The following TOB1 variants were observed in gnomAD, a reference collection of about 807,000 sequenced individuals.
TOB1 encodes transducer of ERBB2, 1, also known as protein Tob1.
Under a neutral mutation model 22.9 loss-of-function variants are expected in TOB1, and 2 were observed. The observed-to-expected ratio is 0.09, with a 90% CI of 0.04 to 0.28. The LOEUF (loss-of-function observed/expected upper bound fraction) is 0.28, where lower values mean the gene tolerates loss of function less well. Ranked by LOEUF, TOB1 falls within the 10% of genes least tolerant of loss-of-function variation. The probability of loss-of-function intolerance (pLI) is 1.00; values close to 1 mark genes in which losing one functional copy is unlikely to be tolerated. For missense variants in TOB1, 299 were observed against 420.5 expected (o/e 0.71, Z 2.53); for synonymous variants, 154 against 150.6 (o/e 1.02, Z -0.17).
In TOB1 at chr17:50,863,978, A is replaced by T; in HGVS notation, c.40T>A (p.Ser14Thr). 6.2e-7 allele frequency: 1 copy of T among 1,611,194 alleles called. No homozygotes were observed. The highest frequency in any genetic ancestry group is 1.7e-5 in the Admixed American group (1 of 59,480). Residue 14 changes from serine (S) to threonine (T), a missense_variant, in exon 2 of 2, where the codon TCG (serine) becomes ACG (threonine). Ser to Thr is a moderately conservative substitution (Grantham distance 58). Transcript: ENST00000499247. ...CTGGGAAGCTTATTGTACAAATACGAAATAATAAAATTTAGTGCTACTTGG... is the reference window on the plus strand; with the variant it reads ...CTGGGAAGCTTATTGTACAAATACGTAATAATAAAATTTAGTGCTACTTGG... ...EIQVALNFIISYLYNKLPRRR... is the reference protein window; with the variant it reads ...EIQVALNFIITYLYNKLPRRR...
At position 50,863,238 on chromosome 17, in the gene TOB1, T is replaced by C. The variant is rs1972241720; in HGVS notation, c.780A>G (p.Gln260=). The change falls in exon 2 of 2, where the codon CAA becomes CAG. Residue 260 remains glutamine, a synonymous_variant. Transcript: ENST00000499247. ...GAGAAAGAGCAGAGGTTTTCTGCTG[T>C]TGTTGCTGCTGTGGTGGTGGTGGTG... ...PPPPPPPQQQ[Q]QQKTSALSPN... is the part of the protein sequence containing the mutation. 6.2e-7 allele frequency: 1 copy of C among 1,614,108 alleles called. No homozygotes were observed. The highest frequency in any genetic ancestry group is 1.1e-5 in the South Asian group (1 of 91,074).
chr17:50,863,618 G>C lies in TOB1; in HGVS notation c.400C>G (p.Pro134Ala). ...LDKEIKNSFNPEAQVFMPISD... is the reference protein window; with the variant it reads ...LDKEIKNSFNAEAQVFMPISD... ...ATGGGCATAAAAACCTGGGCCTCTG[G>C]GTTAAAGCTGTTTTTGATCTCCTTA... is the stretch of plus-strand genomic sequence containing the variant. The change falls in exon 2 of 2, where the codon CCA becomes GCA. Residue 134 changes from proline (P) to alanine (A), a missense_variant. Physicochemically the swap from Pro to Ala is conservative, Grantham distance 27. Coordinates refer to ENST00000499247, the MANE Select transcript of TOB1 (RefSeq NM_005749.4). 3 of 1,614,026 alleles carry C rather than the reference G, an allele frequency of 1.9e-6. No individual in the cohort carries two copies. Among genetic ancestry groups the C allele is most frequent in the Non-Finnish European group, 2.5e-6 (3 of 1,180,002 alleles).
chr17:50,867,089 C>T (rs1046419281), upstream of TOB1: 1 of 152,400 alleles, frequency 6.6e-6, no homozygotes. Flanking sequence ...GCTCCCGCCC[C>T]GCCGGCAGTT....
chr17:50,863,634 G>C lies in TOB1; in HGVS notation c.384C>G (p.Ile128Met), dbSNP rs1220159413. 1 of 1,613,980 alleles carries C rather than the reference G, an allele frequency of 6.2e-7. No individual in the cohort carries two copies. The highest frequency in any genetic ancestry group is 8.5e-7 in the Non-Finnish European group (1 of 1,180,024). Residue 128 changes from isoleucine to methionine, a missense_variant, in exon 2 of 2, where the codon ATC (isoleucine) becomes ATG (methionine). Physicochemically the swap from Ile to Met is conservative, Grantham distance 10 (BLOSUM62 1). Coordinates refer to ENST00000499247, the MANE Select transcript of TOB1 (RefSeq NM_005749.4). The part of the protein sequence containing the change: ...NENGCELDKE[I>M]KNSFNPEAQV... ...GGGCCTCTGGGTTAAAGCTGTTTTT[G>C]ATCTCCTTATCCAACTCACATCCAT...
chr17:50,863,595 G>T lies in TOB1; in HGVS notation c.423C>A (p.Pro141=). 6.2e-7 allele frequency: 1 copy of T among 1,614,140 alleles called. No individual in the cohort carries two copies. The highest frequency in any genetic ancestry group is 8.5e-7 in the Non-Finnish European group (1 of 1,180,038). The change falls in exon 2 of 2, where the codon CCC becomes CCA. Residue 141 remains proline (P), a synonymous_variant. Coordinates refer to ENST00000499247, the MANE Select transcript of TOB1 (RefSeq NM_005749.4). ...ACACTGATGAGGCTGGGTCACTTATGGGCATAAAAACCTGGGCCTCTGGGT... is the reference window on the plus strand; with the variant it reads ...ACACTGATGAGGCTGGGTCACTTATTGGCATAAAAACCTGGGCCTCTGGGT... ...SFNPEAQVFM[P]ISDPASSVSS...
Position 50,864,080 on chromosome 17 carries a change from A to C in TOB1, c.-63T>G. On this transcript the variant is annotated 5_prime_UTR_variant, in exon 2 of 2. Coordinates refer to ENST00000499247, the MANE Select transcript of TOB1 (RefSeq NM_005749.4). ...CCAAAAAAAAAAAAAAAAAAAAAAG[A>C]TGTTCAGTTTGTGGCAGAGAAACAA... The C allele has an allele frequency of 7.1e-7, 1 of 1,399,448 alleles. No homozygotes were observed. The highest frequency in any genetic ancestry group is 9.4e-7 in the Non-Finnish European group (1 of 1,069,514). The allele number at this position is 1,399,448 out of a possible 1,614,324, so 86.7% of individuals were successfully genotyped here. A position where few individuals can be genotyped will look rare whatever the true frequency, so the allele number is the denominator to read the frequency against.
At chr17:50,866,652 A>G, upstream of TOB1, 1 of 152,406 alleles carries the variant, frequency 6.6e-6, no homozygotes, top group Non-Finnish European at 1.5e-5. Context: ...CTGGGGACGG[A>G]ATGAAGAGAA....
At chr17:50,865,731 G>C (rs1185516406) in intron 1 of TOB1, among the ~76,000 whole-genome samples, 4 of 152,020 alleles carry the variant, frequency 2.6e-5, no homozygotes, top group Non-Finnish European at 5.9e-5. Flanking sequence ...ACCATTTTCA[G>C]CCTCGCGGCC....
intron 1 of TOB1, among the ~76,000 whole-genome samples, chr17:50,865,347 C>T (rs979974146): frequency 9.9e-5 from 15 of 152,276 alleles, no homozygotes; most frequent in African/African-American, 3.6e-4. Context: ...GAAATTCAGG[C>T]TCGGTGGAAG....
At position 50,863,017 on chromosome 17, in the gene TOB1, T is replaced by C. The variant is rs1305499219; in HGVS notation, c.1001A>G (p.Tyr334Cys). The stretch of plus-strand genomic sequence containing the variant: ...AACAGGCTGGAATTGCTGGTTAGAA[T>C]ACTGCATGTTATTTAAGCTAAAATT... Reference protein sequence around the residue: ...GLNFSLNNMQYSNQQFQPVMA... With the variant: ...GLNFSLNNMQCSNQQFQPVMA... The change falls in exon 2 of 2, where the codon TAT (tyrosine) becomes TGT (cysteine). Residue 334 changes from tyrosine (Y) to cysteine (C), a missense_variant. Physicochemically the swap from Tyr to Cys is radical, Grantham distance 194. Transcript: ENST00000499247. 6.2e-7 allele frequency: 1 copy of C among 1,614,002 alleles called. No homozygotes were observed. The highest frequency in any genetic ancestry group is 8.5e-7 in the Non-Finnish European group (1 of 1,179,968).
At chr17:50,865,893 C>A (rs983229990) in intron 1 of TOB1, among the ~76,000 whole-genome samples, 165 bp downstream of exon 1, 1 of 151,752 alleles carries the variant, frequency 6.6e-6, no homozygotes, top group Non-Finnish European at 1.5e-5. Flanking sequence ...CGGAGCCGCT[C>A]CCCTCGGGTC....
chr17:50,863,369 A>G lies in TOB1; in HGVS notation c.649T>C (p.Leu217=). The part of the protein sequence containing the change: ...INLGLNVNDL[L]KQKAISSSMH... ...GAGGAAGAGATGGCTTTCTGCTTCA[A>G]GAGGTCATTCACATTCAAGCCGAGG... Residue 217 remains leucine (L), a synonymous_variant, in exon 2 of 2, where the codon TTG becomes CTG. Transcript: ENST00000499247. The G allele has an allele frequency of 6.2e-7, 1 of 1,614,178 alleles. No individual in the cohort carries two copies. Among genetic ancestry groups the G allele is most frequent in the Non-Finnish European group, 8.5e-7 (1 of 1,180,044 alleles).
rs1413306328 is a variant in TOB1, at chr17:50,863,836, C to T, written c.182G>A (p.Gly61Glu). The change falls in exon 2 of 2, where the codon GGG becomes GAG. Residue 61 changes from glycine (G) to glutamate (E), a missense_variant. Transcript: ENST00000499247. ...TTCAATCACTGGGTCCACTTTCTCCCCTATGTGTATACATCTAAACCCCGA... is the reference window on the plus strand; with the variant it reads ...TTCAATCACTGGGTCCACTTTCTCCTCTATGTGTATACATCTAAACCCCGA... ...KGSGFRCIHI[G>E]EKVDPVIEQA... 2.5e-6 allele frequency: 4 copies of T among 1,613,944 alleles called. No homozygotes were observed. Among genetic ancestry groups the T allele is most frequent in the Non-Finnish European group, 1.7e-6 (2 of 1,180,032 alleles).
rs772242098 is a variant in TOB1 at position 50,862,616 on chromosome 17, AAT to A, written c.*362_*363del. The A allele has an allele frequency of 2.5e-4, 43 of 169,578 alleles. No homozygotes were observed. Among genetic ancestry groups the A allele is most frequent in the Middle Eastern group, 2.6e-3 (1 of 380 alleles). The allele number at this position is 169,578 out of a possible 1,614,324, so 10.5% of individuals were successfully genotyped here. On this transcript the variant is annotated 3_prime_UTR_variant, in exon 2 of 2. Coordinates refer to ENST00000499247, the MANE Select transcript of TOB1 (RefSeq NM_005749.4). ...AAATGCAATACCATGTCGTAGAAACAATATATATATATCCTCTGATATTTTAC... is the reference window on the plus strand; with the variant it reads ...AAATGCAATACCATGTCGTAGAAACAATATATATATCCTCTGATATTTTAC...
Position 50,863,178 on chromosome 17 carries a change from C to T in TOB1, c.840G>A (p.Gln280=). 6.2e-7 allele frequency: 1 copy of T among 1,614,118 alleles called. No individual in the cohort carries two copies. Among genetic ancestry groups the T allele is most frequent in the African/African-American group, 1.3e-5 (1 of 75,000 alleles). ...NAKEFIFPNM[Q]GQGSSTNGMF... ...TTCCATTGGTACTACTACCTTGACC[C>T]TGCATATTAGGAAAAATAAATTCCT... Residue 280 remains glutamine (Q), a synonymous_variant, in exon 2 of 2, where the codon CAG becomes CAA. Coordinates refer to ENST00000499247, the MANE Select transcript of TOB1 (RefSeq NM_005749.4).
upstream of TOB1, chr17:50,867,586 T>A (rs1972332393): frequency 6.6e-6 from 1 of 151,834 alleles, no homozygotes; most frequent in Non-Finnish European, 1.5e-5. Context: ...AAACTCGGAC[T>A]GGGAAAAGGG....
rs1313037422 is a variant in TOB1, at chr17:50,862,702, T to A, written c.*278A>T. 3 of 308,110 alleles carry A rather than the reference T, an allele frequency of 9.7e-6. No homozygotes were observed. The highest frequency in any genetic ancestry group is 1.2e-5 in the Non-Finnish European group (2 of 171,206). The allele number at this position is 308,110 out of a possible 1,614,324, so 19.1% of individuals were successfully genotyped here. On this transcript the variant is annotated 3_prime_UTR_variant, in exon 2 of 2. Coordinates refer to ENST00000499247, the MANE Select transcript of TOB1 (RefSeq NM_005749.4). ...AAAGACCAATAAACCCACTTATTAG[T>A]GCCAATTTTTATAAAAAAAAATCAG... is the stretch of plus-strand genomic sequence containing the variant.
rs754393844 is a variant in TOB1 at position 50,863,676 on chromosome 17, C to A, written c.342G>T (p.Val114=). The change falls in exon 2 of 2, where the codon GTG becomes GTT. Residue 114 remains valine (V), a synonymous_variant. Coordinates refer to ENST00000499247, the MANE Select transcript of TOB1 (RefSeq NM_005749.4). ...CACATCCATTTTCATTATTATCATC[C>A]ACGTAAAGCACCTTCACTGGTCCCT... ...GEKGPVKVLY[V]DDNNENGCEL... is the part of the protein sequence containing the mutation. 1 of 1,614,100 alleles carries A rather than the reference C, an allele frequency of 6.2e-7. No individual in the cohort carries two copies. The highest frequency in any genetic ancestry group is 8.5e-7 in the Non-Finnish European group (1 of 1,180,030).
Position 50,864,053 on chromosome 17 carries a change from C to CA in TOB1, c.-37dup. On this transcript the variant is annotated 5_prime_UTR_variant, in exon 2 of 2. Transcript: ENST00000499247. ...CCACAAAATTAGGTTTCAACTCCCCCACCAAAAAAAAAAAAAAAAAAAAAA... is the reference window on the plus strand; with the variant it reads ...CCACAAAATTAGGTTTCAACTCCCCCAACCAAAAAAAAAAAAAAAAAAAAAA... The CA allele has an allele frequency of 1.4e-6, 1 of 726,820 alleles. No homozygotes were observed. Among genetic ancestry groups the CA allele is most frequent in the Non-Finnish European group, 1.7e-6 (1 of 579,770 alleles). The allele number at this position is 726,820 out of a possible 1,614,324, so 45.0% of individuals were successfully genotyped here.
Sources: allele counts gnomAD v4.1 joint callset (sites outside exome capture counted in the v4.1 genomes callset), GRCh38; gene constraint gnomAD v4.1.1; transcripts MANE v1.5; gene names NCBI Gene and HGNC (gene_info 2026-07-23, HGNC 2026-07-21).